Variants in FBXL20 observed in about 807,000 individuals in gnomAD.
The protein encoded by FBXL20 is F-box/LRR-repeat protein 20.
FBXL20 carries 11 observed loss-of-function variants against 64.0 expected under a neutral mutation model. The observed-to-expected ratio is 0.17, with a 90% confidence interval of 0.11 to 0.28. The LOEUF is 0.28. Among genes scored for constraint, FBXL20 ranks in the 10% least tolerant of loss-of-function variants. The probability of loss-of-function intolerance (pLI) is 1.00; values close to 1 mark genes in which losing one functional copy is unlikely to be tolerated. For missense variants in FBXL20, 303 were observed against 526.2 expected (o/e 0.58, Z 4.15); for synonymous variants, 184 against 189.0 (o/e 0.97, Z 0.22).
At chr17:39,276,426 T>G (rs2046895380) in intron 9 of FBXL20, among the ~76,000 whole-genome samples, 1 of 151,398 alleles carries the variant, frequency 6.6e-6, no homozygotes, top group African/African-American at 2.4e-5. Flanking sequence ...ACCCCAGCAC[T>G]TTGGGAGGCG....
chr17:39,309,081 A>T (rs1005435159), intron 2 of FBXL20, among the ~76,000 whole-genome samples: 2 of 152,088 alleles, frequency 1.3e-5, no homozygotes, highest in Admixed American at 1.3e-4. Flanking sequence ...CATTTTTTTT[A>T]AAAAGGGTCT....
intron 1 of FBXL20, among the ~76,000 whole-genome samples, chr17:39,365,331 A>C (rs2047848997): frequency 6.6e-6 from 1 of 152,218 alleles, no homozygotes; most frequent in Admixed American, 6.5e-5. Flanking sequence ...ACCTAAAACA[A>C]AGTAAGTTTA....
chr17:39,384,789 C>T lies in FBXL20; in HGVS notation c.42+16572G>A, dbSNP rs373881147. Among the ~76,000 whole-genome samples, 6 of 151,948 alleles carry T rather than the reference C, an allele frequency of 3.9e-5. No homozygotes were observed. In the South Asian group the frequency reaches 1.2e-3, roughly 32 times the overall value. ...CCTGGCCAACATGGTGAAACCCCGT[C>T]TCTACTAAAAATACAGAAATTAGCT... On this transcript the variant is annotated intron_variant, in intron 1 of 14. Coordinates refer to ENST00000264658, the MANE Select transcript of FBXL20 (RefSeq NM_032875.3).
intron 2 of FBXL20, among the ~76,000 whole-genome samples, chr17:39,316,458 G>A (rs545166940): frequency 6.6e-6 from 1 of 152,210 alleles, no homozygotes; most frequent in East Asian, 1.9e-4. Context: ...GAGAAATAGG[G>A]CAGAGAAAAT....
At chr17:39,317,264 C>G (rs2047302226) in intron 2 of FBXL20, among the ~76,000 whole-genome samples, 1 of 152,176 alleles carries the variant, frequency 6.6e-6, no homozygotes, top group Non-Finnish European at 1.5e-5. Context: ...CAGAGTCTCA[C>G]TCCATCACCC....
intron 2 of FBXL20, among the ~76,000 whole-genome samples, chr17:39,315,829 C>CAGAGAGAGAGAGAGAGAGAGAGAGAGAG (rs141728220): frequency 1.5e-5 from 2 of 129,686 alleles, no homozygotes; most frequent in Non-Finnish European, 3.3e-5. Context: ...GAGAGAGAGA[C>CAGAGAGAGAGAGAGAGAGAGAGAGAGAG]AGAGAGAGAG....
chr17:39,319,673 C>CAAA (rs71300077), intron 2 of FBXL20, among the ~76,000 whole-genome samples: 47 of 47,288 alleles, frequency 9.9e-4, no homozygotes, highest in Middle Eastern at 0.012. Flanking sequence ...GACTCCATAT[C>CAAA]AAAAAAAAAA....
chr17:39,310,180 A>G (rs796835387), intron 2 of FBXL20, among the ~76,000 whole-genome samples: 45 of 151,596 alleles, frequency 3.0e-4, no homozygotes, highest in African/African-American at 1.0e-3. Flanking sequence ...AAAAGAAACG[A>G]AACAACTTGC....
intron 2 of FBXL20, among the ~76,000 whole-genome samples, chr17:39,333,538 C>T (rs58195267): frequency 0.1 from 15,652 of 152,206 alleles, 867 homozygotes; most frequent in African/African-American, 0.15. Flanking sequence ...CCCAAAGTGC[C>T]GAGATTGCAG....
At chr17:39,278,879 T>A (rs552212905) in intron 9 of FBXL20, among the ~76,000 whole-genome samples, 248 of 150,730 alleles carry the variant, frequency 1.6e-3, no homozygotes, top group African/African-American at 5.5e-3. Flanking sequence ...CATGGCCGGG[T>A]GCAGTGGCTC....
At chr17:39,401,669 C>G, upstream of FBXL20, 1 of 1,315,886 alleles carries the variant, frequency 7.6e-7, no homozygotes, top group Non-Finnish European at 9.7e-7. Flanking sequence ...TCCCCACCTG[C>G]CAGCAACGCC....
chr17:39,312,120 A>G (rs1371819436), intron 2 of FBXL20, among the ~76,000 whole-genome samples: 1 of 152,172 alleles, frequency 6.6e-6, no homozygotes, highest in Non-Finnish European at 1.5e-5. Context: ...TTCCTCTATT[A>G]AAGTAGTAAG....
chr17:39,314,291 T>C (rs141047128), intron 2 of FBXL20, among the ~76,000 whole-genome samples: 105 of 152,322 alleles, frequency 6.9e-4, no homozygotes, highest in African/African-American at 2.4e-3. Flanking sequence ...AATAATATCC[T>C]ACTGTATCCA....
intron 1 of FBXL20, among the ~76,000 whole-genome samples, chr17:39,347,537 G>T (rs1371161288): frequency 6.6e-6 from 1 of 152,122 alleles, no homozygotes; most frequent in Non-Finnish European, 1.5e-5. Context: ...TGATGGGGTT[G>T]TTTGATTTTT....
intron 9 of FBXL20, 129 bp from the exon 10 acceptor site, chr17:39,275,229 T>G (rs1382485931): frequency 1.4e-5 from 13 of 949,030 alleles, no homozygotes; most frequent in Non-Finnish European, 2.0e-5. Flanking sequence ...ATTCATCAGA[T>G]AGCAGACCTA....
intron 1 of FBXL20, among the ~76,000 whole-genome samples, chr17:39,379,636 C>T (rs1007263057): frequency 6.6e-6 from 1 of 151,762 alleles, no homozygotes; most frequent in African/African-American, 2.4e-5. Context: ...AAAAAATTAG[C>T]TGGGCGTGGT....
chr17:39,401,476 CGGG>C lies in FBXL20; in HGVS notation c.-77_-75del, dbSNP rs2048243970. ...ACAGACCGGGGGCCCAGGACAGGCC[CGGG>C]AGTTCCGGGACGGGGACTGGGCGCC... On this transcript the variant is annotated 5_prime_UTR_variant, in exon 1 of 15. Coordinates refer to ENST00000264658, the MANE Select transcript of FBXL20 (RefSeq NM_032875.3). 7 of 1,525,528 alleles carry C rather than the reference CGGG, an allele frequency of 4.6e-6. No homozygotes were observed. The highest frequency in any genetic ancestry group is 1.4e-5 in the African/African-American group (1 of 71,012). The allele number at this position is 1,525,528 out of a possible 1,614,324, so 94.5% of individuals were successfully genotyped here.
At chr17:39,305,353 C>T (rs1217774020) in intron 2 of FBXL20, among the ~76,000 whole-genome samples, 1 of 152,064 alleles carries the variant, frequency 6.6e-6, no homozygotes, top group East Asian at 1.9e-4. Flanking sequence ...TTGCTGAAAG[C>T]CTGATAAACC....
At chr17:39,319,195 G>C (rs754691813) in intron 2 of FBXL20, among the ~76,000 whole-genome samples, 1 of 151,934 alleles carries the variant, frequency 6.6e-6, no homozygotes, top group Non-Finnish European at 1.5e-5. Flanking sequence ...GTTGCAGCGA[G>C]TTGAGATCGC....
Sources: gnomAD v4.1 joint callset for allele counts (sites outside exome capture counted in the v4.1 genomes callset) on GRCh38, gnomAD v4.1.1 for gene constraint, MANE v1.5 for transcripts, NCBI Gene and HGNC (gene_info 2026-07-23, HGNC 2026-07-21) for gene names.